C17orf67: variants seen among roughly 807,000 people sequenced by gnomAD.
The protein encoded by C17orf67 is chromosome 17 open reading frame 67, also known as uncharacterized protein C17orf67.
Under a neutral mutation model 11.2 loss-of-function variants are expected in C17orf67, and 12 were observed. The observed-to-expected ratio is 1.07, with a 90% CI of 0.68 to 1.73. The LOEUF is 1.73. C17orf67 is among the 40% of genes most tolerant of loss of function. The pLI is 0.00. For synonymous variants in C17orf67, 59 were observed against 46.9 expected (o/e 1.26, Z -1.05); for missense variants, 115 against 113.5 (o/e 1.01, Z -0.06).
At chr17:56,811,892 G>A (rs986637087) in intron 6 of C17orf67, among the ~76,000 whole-genome samples, 11 of 152,274 alleles carry the variant, frequency 7.2e-5, no homozygotes, top group African/African-American at 1.2e-4. Context: ...TGGTACACAC[G>A]TGGCTGATTT....
At chr17:56,825,940 T>TCTGA (rs1906015097) in intron 2 of C17orf67, among the ~76,000 whole-genome samples, 1 of 51,388 alleles carries the variant, frequency 1.9e-5, no homozygotes, top group Non-Finnish European at 4.6e-5. Flanking sequence ...GGGGGAAACC[T>TCTGA]GTGAGTGTGT....
chr17:56,832,376 G>C (rs1906233217), intron 2 of C17orf67, among the ~76,000 whole-genome samples: 3 of 152,182 alleles, frequency 2.0e-5, no homozygotes. Flanking sequence ...AGCAGCCCCT[G>C]ATGTCCCTTT....
At chr17:56,821,312 ATCTTTTTTACTG>A (rs1379528075) in intron 4 of C17orf67, among the ~76,000 whole-genome samples, 2 of 152,168 alleles carry the variant, frequency 1.3e-5, no homozygotes, top group Non-Finnish European at 2.9e-5. Flanking sequence ...ATTTGCTTTC[ATCTTTTTTACTG>A]TCTACCTCAC....
At chr17:56,798,916 C>A (rs1420759060) in intron 6 of C17orf67, among the ~76,000 whole-genome samples, 3 of 152,190 alleles carry the variant, frequency 2.0e-5, no homozygotes, top group African/African-American at 4.8e-5. Flanking sequence ...AGTTTCCACT[C>A]ATGGCAGAAG....
chr17:56,808,776 C>T (rs981297347), intron 6 of C17orf67, among the ~76,000 whole-genome samples: 2 of 152,208 alleles, frequency 1.3e-5, no homozygotes, highest in African/African-American at 2.4e-5. Flanking sequence ...AGAAGCCAAC[C>T]TCTGCCAATA....
intron 2 of C17orf67, among the ~76,000 whole-genome samples, chr17:56,832,443 C>T (rs969404335): frequency 2.0e-5 from 3 of 152,226 alleles, no homozygotes; most frequent in African/African-American, 4.8e-5. Context: ...CTTCCTCTGT[C>T]TCTCTGGGAT....
Position 56,823,219 on chromosome 17 carries a change from T to G in C17orf67, c.-201+1520A>C, listed in dbSNP as rs528715335. On this transcript the variant is annotated intron_variant, in intron 4 of 7. Transcript: ENST00000397861. ...CTAATTGGAAGAGAAAAGCTCTAGT[T>G]CTGGGGAAAAATACTGAACTGTGTC... is the stretch of plus-strand genomic sequence containing the variant. Among the ~76,000 whole-genome samples the G allele has an allele frequency of 3.3e-5, 5 of 152,248 alleles. No homozygotes were observed. In the South Asian group the frequency reaches 1.0e-3, roughly 32 times the overall value.
Position 56,792,189 on chromosome 17 carries a change from G to C in C17orf67, c.*184C>G, listed in dbSNP as rs773053759. 2 of 152,192 alleles carry C rather than the reference G, an allele frequency of 1.3e-5. No homozygotes were observed. Among genetic ancestry groups the C allele is most frequent in the Non-Finnish European group, 2.9e-5 (2 of 68,046 alleles). 9.4% of individuals were successfully genotyped at this position (152,192 alleles called of 1,614,324 possible). ...TGGTTTTAGTGATCTATGCAGGTTA[G>C]TAAAATGAAGCAGTATATATATTTG... On this transcript the variant is annotated 3_prime_UTR_variant, in exon 8 of 8. Transcript: ENST00000397861.
At chr17:56,810,544 A>G (rs1219313741) in intron 6 of C17orf67, among the ~76,000 whole-genome samples, 2 of 152,146 alleles carry the variant, frequency 1.3e-5, no homozygotes, top group African/African-American at 4.8e-5. Flanking sequence ...CCCTCTTCCC[A>G]AGCAAAGGGA....
At chr17:56,815,717 T>C in intron 5 of C17orf67, 39 bp downstream of exon 5, 1 of 1,549,602 alleles carries the variant, frequency 6.5e-7, no homozygotes, top group Non-Finnish European at 8.8e-7. Context: ...ATTTATCATG[T>C]CAGCATAGAA....
chr17:56,820,842 A>G (rs189559724), intron 4 of C17orf67, among the ~76,000 whole-genome samples: 8 of 150,514 alleles, frequency 5.3e-5, no homozygotes, highest in Non-Finnish European at 7.4e-5. Context: ...CAAATGACAA[A>G]CCCAACATTC....
At chr17:56,820,791 G>GAAGGAACT (rs1318200379) in intron 4 of C17orf67, among the ~76,000 whole-genome samples, 1 of 116,112 alleles carries the variant, frequency 8.6e-6, no homozygotes, top group Non-Finnish European at 1.8e-5. Context: ...TTTTTTTTTG[G>GAAGGAACT]AAGGAACTGT....
intron 4 of C17orf67, among the ~76,000 whole-genome samples, chr17:56,818,662 AATATTTTAATATT>A (rs924478733): frequency 1.3e-5 from 2 of 152,236 alleles, no homozygotes; most frequent in African/African-American, 4.8e-5. Flanking sequence ...AAAAAGGTTA[AATATTTTAATATT>A]ATATTTTAAC....
In C17orf67 at chr17:56,832,934, T is replaced by C. The variant is rs1273123813; in HGVS notation, c.-593A>G. 1 of 152,250 alleles carries C rather than the reference T, an allele frequency of 6.6e-6. No individual in the cohort carries two copies. Among genetic ancestry groups the C allele is most frequent in the Non-Finnish European group, 1.5e-5 (1 of 68,046 alleles). 9.4% of individuals were successfully genotyped at this position (152,250 alleles called of 1,614,324 possible). A position where few individuals can be genotyped will look rare whatever the true frequency, so the allele number is the denominator to read the frequency against. ...CATCTATATGTGTATTCTTAATGAA[T>C]GTTATGTCTTCTCTAATCGTTTGGA... On this transcript the variant is annotated 5_prime_UTR_variant, in exon 2 of 8. Transcript: ENST00000397861.
At chr17:56,814,731 A>G in intron 6 of C17orf67, 138 bp downstream of exon 6, 1 of 799,414 alleles carries the variant, frequency 1.3e-6, no homozygotes, top group Non-Finnish European at 2.1e-6. Flanking sequence ...TAAAAGATTG[A>G]GATTGCAGCT....
At chr17:56,811,976 C>A (rs1638801056) in intron 6 of C17orf67, among the ~76,000 whole-genome samples, 1 of 152,262 alleles carries the variant, frequency 6.6e-6, no homozygotes, top group Non-Finnish European at 1.5e-5. Flanking sequence ...GGCCCCATCC[C>A]CCATACCCAG....
chr17:56,814,487 T>C (rs567849173), intron 6 of C17orf67, among the ~76,000 whole-genome samples: 27 of 152,108 alleles, frequency 1.8e-4, no homozygotes, highest in African/African-American at 6.5e-4. Flanking sequence ...GGACAGACCA[T>C]CATTGACCAA....
chr17:56,821,878 G>A (rs905484768), intron 4 of C17orf67, among the ~76,000 whole-genome samples: 2 of 152,208 alleles, frequency 1.3e-5, no homozygotes, highest in Non-Finnish European at 2.9e-5. Flanking sequence ...ACACTAACAA[G>A]GGTGTGAAAT....
At chr17:56,827,518 A>G (rs1417668030) in intron 2 of C17orf67, among the ~76,000 whole-genome samples, 1 of 152,252 alleles carries the variant, frequency 6.6e-6, no homozygotes, top group East Asian at 1.9e-4. Context: ...TTCTCAGAGA[A>G]GTAGCAGAGT....
Sources: allele counts gnomAD v4.1 joint callset (sites outside exome capture counted in the v4.1 genomes callset), GRCh38; gene constraint gnomAD v4.1.1; transcripts MANE v1.5; gene names NCBI Gene and HGNC (gene_info 2026-07-23, HGNC 2026-07-21).